Variants in SNX8 observed in about 807,000 individuals in gnomAD.
SNX8 encodes sorting nexin-8.
Under a neutral mutation model 51.6 loss-of-function variants are expected in SNX8, and 25 were observed. The ratio of observed to expected loss-of-function variants is 0.48; its 90% CI spans 0.35 to 0.68. The LOEUF (loss-of-function observed/expected upper bound fraction) is 0.68, where lower values mean the gene tolerates loss of function less well. SNX8 is among the 30% of genes least tolerant of loss of function. SNX8 has a pLI of 0.00. For synonymous variants in SNX8, 324 were observed against 277.0 expected (o/e 1.17, Z -1.68); for missense variants, 695 against 624.0 (o/e 1.11, Z -1.21).
chr7:2,282,568 C>A (rs1251315166), intron 1 of SNX8, among the ~76,000 whole-genome samples: 1 of 152,220 alleles, frequency 6.6e-6, no homozygotes, highest in Non-Finnish European at 1.5e-5. Context: ...CCATCTCCCG[C>A]CCAGTGTCTT....
At chr7:2,339,718 A>G (rs1778887980) in intron 1 of SNX8, among the ~76,000 whole-genome samples, 1 of 152,144 alleles carries the variant, frequency 6.6e-6, no homozygotes, top group Non-Finnish European at 1.5e-5. Flanking sequence ...TTGAAGAAGA[A>G]AGATAAGGAG....
intron 1 of SNX8, among the ~76,000 whole-genome samples, chr7:2,326,296 C>T (rs949825770): frequency 2.0e-5 from 3 of 151,728 alleles, no homozygotes; most frequent in East Asian, 1.9e-4. Flanking sequence ...ACCAGGGAGG[C>T]GGAGGTTGCA....
At chr7:2,316,104 C>T (rs1268572498), upstream of SNX8, among the ~76,000 whole-genome samples, 1 of 150,796 alleles carries the variant, frequency 6.6e-6, no homozygotes, top group Admixed American at 6.6e-5. Context: ...TTCATTCACC[C>T]ACTCACTCAC....
chr7:2,324,770 T>C (rs1042803678), intron 1 of SNX8, among the ~76,000 whole-genome samples: 4 of 152,276 alleles, frequency 2.6e-5, no homozygotes, highest in African/African-American at 9.6e-5. Flanking sequence ...GCATTTGCCC[T>C]GTGTTATAAA....
chr7:2,353,020 GT>G lies in SNX8; in HGVS notation c.-66+1201del. ...TAAACACCGTTAGGATGGGATGGGT[GT>G]GGTGGCTCATGCCTATAGTCCCGGC... is the stretch of plus-strand genomic sequence containing the variant. On this transcript the variant is annotated intron_variant, in intron 1 of 5. Transcript: ENST00000435336. Among the ~76,000 whole-genome samples, 3 of 152,272 alleles carry G rather than the reference GT, an allele frequency of 2.0e-5. No homozygotes were observed. The South Asian group carries it at 6.2e-4, about 32-fold the overall frequency.
At chr7:2,353,277 G>A (rs925086650) in intron 1 of SNX8, among the ~76,000 whole-genome samples, 1 of 152,062 alleles carries the variant, frequency 6.6e-6, no homozygotes, top group African/African-American at 2.4e-5. Context: ...CTGGCACTTT[G>A]GGAGGCTGAG....
chr7:2,311,136 A>T (rs1173990119), intron 1 of SNX8, among the ~76,000 whole-genome samples: 1 of 152,244 alleles, frequency 6.6e-6, no homozygotes, highest in Non-Finnish European at 1.5e-5. Flanking sequence ...TGAGACTCTT[A>T]ATGTGGAAAA....
At chr7:2,313,768 G>A (rs954293345) in intron 1 of SNX8, among the ~76,000 whole-genome samples, 2 of 152,130 alleles carry the variant, frequency 1.3e-5, no homozygotes, top group African/African-American at 4.8e-5. Context: ...AGGCTAAGGC[G>A]GAGGATCACT....
intron 5 of SNX8, among the ~76,000 whole-genome samples, chr7:2,266,162 GGTTT>G (rs1206208266): frequency 3.9e-5 from 6 of 152,088 alleles, no homozygotes; most frequent in African/African-American, 1.4e-4. Flanking sequence ...TGAAGAAGCA[GGTTT>G]TTTTCTGGTT....
In SNX8 at chr7:2,264,407, T is replaced by G; in HGVS notation, c.673A>C (p.Ile225Leu). 1 of 1,612,600 alleles carries G rather than the reference T, an allele frequency of 6.2e-7. No homozygotes were observed. Among genetic ancestry groups the G allele is most frequent in the Non-Finnish European group, 8.5e-7 (1 of 1,179,988 alleles). The change falls in exon 6 of 11, where the codon ATC (isoleucine) becomes CTC (leucine). Residue 225 changes from isoleucine (I) to leucine (L), a missense_variant. Coordinates refer to ENST00000222990, the MANE Select transcript of SNX8 (RefSeq NM_013321.4). ...TGAAAGCTATTGTAGATGTTCCGGA[T>G]CAGCTCCCGGCTGATGGCAAACTGA... is the stretch of plus-strand genomic sequence containing the variant. ...QAQFAISRELIRNIYNSFHKL... is the reference protein window; with the variant it reads ...QAQFAISRELLRNIYNSFHKL...
At chr7:2,353,474 G>T (rs1481612985) in intron 1 of SNX8, among the ~76,000 whole-genome samples, 1 of 151,916 alleles carries the variant, frequency 6.6e-6, no homozygotes, top group African/African-American at 2.4e-5. Flanking sequence ...CGAAGACAGG[G>T]TCTCGCTATG....
chr7:2,352,305 C>T (rs1160124516), intron 1 of SNX8, among the ~76,000 whole-genome samples: 1 of 152,108 alleles, frequency 6.6e-6, no homozygotes, highest in Non-Finnish European at 1.5e-5. Flanking sequence ...GGGAAGACTG[C>T]TTCCAAACAC....
chr7:2,336,133 G>C (rs1175065813), intron 1 of SNX8, among the ~76,000 whole-genome samples: 1 of 150,602 alleles, frequency 6.6e-6, no homozygotes, highest in African/African-American at 2.4e-5. Flanking sequence ...TGGGCACGGT[G>C]GCTCACACCT....
chr7:2,317,251 C>CTTTTTTTT (rs780593342), upstream of SNX8, among the ~76,000 whole-genome samples: 10 of 43,116 alleles, frequency 2.3e-4, 2 homozygotes, highest in African/African-American at 6.3e-4. Context: ...CCTGGACCTT[C>CTTTTTTTT]TTTTTTTTTT....
chr7:2,320,411 A>G (rs1796814359), intron 1 of SNX8, among the ~76,000 whole-genome samples: 1 of 152,018 alleles, frequency 6.6e-6, no homozygotes, highest in Admixed American at 6.6e-5. Flanking sequence ...CAGAGTATTT[A>G]CTGTTTATCA....
chr7:2,327,984 G>C (rs1052994471), intron 1 of SNX8, among the ~76,000 whole-genome samples: 1 of 151,924 alleles, frequency 6.6e-6, no homozygotes, highest in Admixed American at 6.6e-5. Context: ...TCCTGTCCCA[G>C]CTTCCCACAT....
In SNX8 at chr7:2,254,792, G is replaced by A; in HGVS notation, c.*264C>T. ...TCCCTGCCTCCCCGCACAGCTCTGG[G>A]TGTCAGGAGGAAACCATTCCAGAGA... On this transcript the variant is annotated 3_prime_UTR_variant, in exon 11 of 11. Transcript: ENST00000222990. The A allele has an allele frequency of 1.8e-6, 1 of 545,108 alleles. No homozygotes were observed. Among genetic ancestry groups the A allele is most frequent in the South Asian group, 2.1e-5 (1 of 48,200 alleles). The allele number at this position is 545,108 out of a possible 1,614,324, so 33.8% of individuals were successfully genotyped here.
chr7:2,318,489 A>C (rs928096458), upstream of SNX8, among the ~76,000 whole-genome samples: 1 of 147,160 alleles, frequency 6.8e-6, no homozygotes, highest in Non-Finnish European at 1.5e-5. Flanking sequence ...ATGCCACTGC[A>C]CTCCAGCCTC....
chr7:2,282,413 C>T lies in SNX8; in HGVS notation c.95-4108G>A, dbSNP rs112173039. On this transcript the variant is annotated intron_variant, in intron 1 of 10. Transcript: ENST00000222990. ...GCAAAGTCAGGCCCAAGTCAGCCGC[C>T]GGCCCACTGTGACCCCTCTTTGCAA... Among the ~76,000 whole-genome samples the T allele has an allele frequency of 6.5e-3, 994 of 152,240 alleles. 8 individuals are homozygous for T. Among genetic ancestry groups the T allele is most frequent in the African/African-American group, 0.023 (949 of 41,548 alleles).
Sources: allele counts gnomAD v4.1 joint callset (sites outside exome capture counted in the v4.1 genomes callset), GRCh38; gene constraint gnomAD v4.1.1; transcripts MANE v1.5; gene names NCBI Gene and HGNC (gene_info 2026-07-23, HGNC 2026-07-21).